Variants in OTOA observed in about 807,000 individuals in gnomAD.
OTOA encodes the protein cancer/testis antigen 108.
In OTOA, 70 loss-of-function variants were observed where a neutral mutation model predicts 110.8. The ratio of observed to expected loss-of-function variants is 0.63; its 90% CI spans 0.52 to 0.77. The LOEUF is 0.77. OTOA is among the 30% of genes least tolerant of loss of function. The pLI is 0.00. For synonymous variants in OTOA, 373 were observed against 431.5 expected, an observed-to-expected ratio of 0.86 and a Z score of 1.68; for missense variants, 917 against 1,075.8, an observed-to-expected ratio of 0.85 and a Z score of 2.06.
At chr16:21,677,638 C>G (rs574460932) in intron 1 of OTOA, among the ~76,000 whole-genome samples, 1 of 151,534 alleles carries the variant, frequency 6.6e-6, no homozygotes, top group East Asian at 2.0e-4. Flanking sequence ...CCCGCCACCA[C>G]GCCCGTCTAA....
In OTOA at chr16:21,760,595, A is replaced by G; in HGVS notation, c.*55A>G. ...CCAAGCAGCTGGCCAACATGTGTAG[A>G]GACAGGATGCTCCAGATGGTGGGAC... On this transcript the variant is annotated 3_prime_UTR_variant, in exon 29 of 29. Transcript: ENST00000646100. 7.3e-7 allele frequency: 1 copy of G among 1,377,186 alleles called. No homozygotes were observed. Among genetic ancestry groups the G allele is most frequent in the South Asian group, 1.2e-5 (1 of 85,268 alleles). 85.3% of individuals were successfully genotyped at this position (1,377,186 alleles called of 1,614,324 possible).
intron 13 of OTOA, among the ~76,000 whole-genome samples, chr16:21,714,481 TC>T (rs1308864797): frequency 1.3e-4 from 17 of 132,518 alleles, no homozygotes; most frequent in Admixed American, 2.3e-4. Flanking sequence ...CTTTCTTTCC[TC>T]TCCCTCTCTC....
In OTOA at chr16:21,687,472, T is replaced by C; in HGVS notation, c.459T>C (p.Pro153=). ...GEIRERALQS[P]GVNRSLFLIT... ...TTCGAGAACGAGCCTTGCAGAGCCC[T>C]GGCGTGAACCGCAGCCTGTTTCTCA... Residue 153 remains proline, a synonymous_variant, in exon 8 of 29, where the codon CCT becomes CCC. Transcript: ENST00000646100. The C allele has an allele frequency of 1.9e-6, 3 of 1,614,082 alleles. No homozygotes were observed. The highest frequency in any genetic ancestry group is 2.5e-6 in the Non-Finnish European group (3 of 1,179,992).
intron 13 of OTOA, among the ~76,000 whole-genome samples, chr16:21,714,561 G>A (rs551600795): frequency 1.6e-4 from 24 of 149,530 alleles, no homozygotes; most frequent in Non-Finnish European, 3.4e-4. Flanking sequence ...GCCCAGTCTG[G>A]AGTGCAATGG....
intron 19 of OTOA, 96 bp from the exon 20 acceptor site, chr16:21,728,145 A>G (rs551140814): frequency 1.3e-5 from 19 of 1,499,846 alleles, no homozygotes; most frequent in African/African-American, 1.2e-4. Flanking sequence ...GATTATAGGC[A>G]TAAGCCACAG....
At chr16:21,692,398 T>G (rs1197971094) in intron 9 of OTOA, among the ~76,000 whole-genome samples, 1 of 152,016 alleles carries the variant, frequency 6.6e-6, no homozygotes, top group African/African-American at 2.4e-5. Context: ...CACAGAAATT[T>G]AACTCTGAGC....
intron 8 of OTOA, among the ~76,000 whole-genome samples, chr16:21,688,669 G>T (rs777488984): frequency 2.6e-5 from 4 of 152,150 alleles, no homozygotes; most frequent in Non-Finnish European, 5.9e-5. Flanking sequence ...GCACCTTCTC[G>T]CTGTGTCCCC....
Position 21,719,409 on chromosome 16 carries a change from G to A in OTOA, c.1711G>A (p.Val571Met), listed in dbSNP as rs568684216. ...LLSAGQLVKGVTCSHIDAMST... is the reference protein window; with the variant it reads ...LLSAGQLVKGMTCSHIDAMST... ...TAGTGCTGGGCAGCTGGTCAAAGGCGTGACCTGCTCACACATTGATGCCAT... is the reference window on the plus strand; with the variant it reads ...TAGTGCTGGGCAGCTGGTCAAAGGCATGACCTGCTCACACATTGATGCCAT... The change falls in exon 17 of 29, where the codon GTG becomes ATG. Residue 571 changes from valine to methionine, a missense_variant. Physicochemically the swap from Val to Met is conservative, Grantham distance 21. Transcript: ENST00000646100. 9 of 1,614,090 alleles carry A rather than the reference G, an allele frequency of 5.6e-6. No individual in the cohort carries two copies. The highest frequency in any genetic ancestry group is 2.2e-5 in the East Asian group (1 of 44,876).
intron 1 of OTOA, among the ~76,000 whole-genome samples, chr16:21,671,246 T>A (rs1966848606): frequency 6.6e-6 from 1 of 152,062 alleles, no homozygotes; most frequent in Non-Finnish European, 1.5e-5. Context: ...GGTACCATCA[T>A]TAATCTCATT....
intron 10 of OTOA, among the ~76,000 whole-genome samples, chr16:21,698,141 G>A (rs1472765450): frequency 6.6e-6 from 1 of 152,156 alleles, no homozygotes; most frequent in Non-Finnish European, 1.5e-5. Context: ...GAGCAAACAT[G>A]ATTTAAAGGG....
At chr16:21,691,140 C>T (rs9925715) in intron 8 of OTOA, among the ~76,000 whole-genome samples, 14,935 of 151,904 alleles carry the variant, frequency 0.098, 1,568 homozygotes, top group African/African-American at 0.26. Flanking sequence ...GCAAAGGACA[C>T]GAACTCATCC....
intron 18 of OTOA, 109 bp from the exon 19 acceptor site, chr16:21,726,414 C>G (rs1392083517): frequency 4.0e-6 from 6 of 1,487,658 alleles, no homozygotes; most frequent in Non-Finnish European, 4.7e-6. Flanking sequence ...GAAGAACAAA[C>G]ATTTAAAGAA....
intron 11 of OTOA, among the ~76,000 whole-genome samples, chr16:21,704,109 A>G (rs1898107030): frequency 6.6e-6 from 1 of 152,132 alleles, no homozygotes; most frequent in African/African-American, 2.4e-5. Flanking sequence ...GCCTGAATCA[A>G]TGCTCTTAAT....
intron 7 of OTOA, among the ~76,000 whole-genome samples, chr16:21,686,722 C>T (rs917810984): frequency 6.6e-6 from 1 of 151,916 alleles, no homozygotes; most frequent in African/African-American, 2.4e-5. Flanking sequence ...GACAACATGG[C>T]AAAACTCCAT....
chr16:21,697,981 T>C, intron 10 of OTOA, 106 bp downstream of exon 10: 1 of 973,194 alleles, frequency 1.0e-6, no homozygotes, highest in South Asian at 1.3e-5. Context: ...GCCTTGGAAA[T>C]TGTGTACCCT....
intron 9 of OTOA, among the ~76,000 whole-genome samples, chr16:21,695,879 ATATATATATATATT>A (rs1320199583): frequency 2.9e-4 from 11 of 37,648 alleles, no homozygotes; most frequent in African/African-American, 1.5e-3. Flanking sequence ...ATATATATAT[ATATATATATATATT>A]TTTTTTTTTT....
intron 1 of OTOA, among the ~76,000 whole-genome samples, chr16:21,664,712 C>A (rs1335881824): frequency 6.6e-6 from 1 of 152,096 alleles, no homozygotes; most frequent in East Asian, 1.9e-4. Flanking sequence ...GGGCTCACAC[C>A]TGTAATCCCA....
chr16:21,709,352 G>A (rs576323708), intron 12 of OTOA, among the ~76,000 whole-genome samples: 13 of 152,146 alleles, frequency 8.5e-5, no homozygotes, highest in South Asian at 4.1e-4. Flanking sequence ...GCTTGAACCC[G>A]GAAGGTGGAG....
At chr16:21,738,809 T>G (rs1378883307) in intron 22 of OTOA, among the ~76,000 whole-genome samples, 5 of 152,308 alleles carry the variant, frequency 3.3e-5, no homozygotes, top group Admixed American at 1.3e-4. Context: ...CATTTAGGGC[T>G]GCAGATTTCC....
Sources: gnomAD v4.1 joint callset for allele counts (sites outside exome capture counted in the v4.1 genomes callset) on GRCh38, gnomAD v4.1.1 for gene constraint, MANE v1.5 for transcripts, NCBI Gene and HGNC (gene_info 2026-07-23, HGNC 2026-07-21) for gene names.